Variants in PPP2R2C observed in about 807,000 individuals in gnomAD.
PPP2R2C encodes protein phosphatase 2 regulatory subunit Bgamma.
In PPP2R2C, 10 loss-of-function variants were observed where a neutral mutation model predicts 45.3. The ratio of observed to expected loss-of-function variants is 0.22; its 90% CI spans 0.14 to 0.37. The LOEUF is 0.37. Ranked by LOEUF, PPP2R2C falls within the 10% of genes least tolerant of loss-of-function variation. The probability of loss-of-function intolerance (pLI) is 1.00; values close to 1 mark genes in which losing one functional copy is unlikely to be tolerated. For synonymous variants in PPP2R2C, 257 were observed against 245.4 expected, an observed-to-expected ratio of 1.05 and a Z score of -0.44; for missense variants, 308 against 619.7, an observed-to-expected ratio of 0.50 and a Z score of 5.34.
intron 2 of PPP2R2C, among the ~76,000 whole-genome samples, chr4:6,487,921 T>A (rs1722578910): frequency 6.6e-6 from 1 of 152,220 alleles, no homozygotes; most frequent in South Asian, 2.1e-4. Flanking sequence ...TCTTTTTTTA[T>A]CTTTTTACTC....
At chr4:6,409,963 A>C (rs190371355) in intron 1 of PPP2R2C, among the ~76,000 whole-genome samples, 2 of 152,252 alleles carry the variant, frequency 1.3e-5, no homozygotes, top group African/African-American at 4.8e-5. Context: ...TTCTGCTCTC[A>C]GGAAGTAGAG....
rs190780017 is a variant in PPP2R2C at position 6,450,435 on chromosome 4, A to G, written c.70+21725T>C. ...TCTTCATCTGGGTCACAGAAAAATC[A>G]AGCAACGGTTCAGCCTCACTCTCAA... On this transcript the variant is annotated intron_variant, in intron 1 of 8. Coordinates refer to ENST00000382599, the MANE Select transcript of PPP2R2C (RefSeq NM_020416.4). Among the ~76,000 whole-genome samples the G allele has an allele frequency of 6.6e-4, 101 of 152,322 alleles. No individual in the cohort carries two copies. The Middle Eastern group carries it at 0.017, about 26-fold the overall frequency.
At chr4:6,372,986 G>A (rs1342349825) in intron 4 of PPP2R2C, among the ~76,000 whole-genome samples, 1 of 152,206 alleles carries the variant, frequency 6.6e-6, no homozygotes, top group East Asian at 1.9e-4. Flanking sequence ...AGATACTGTG[G>A]CAGAGCCAGC....
At chr4:6,433,836 G>A (rs920560654) in intron 1 of PPP2R2C, among the ~76,000 whole-genome samples, 1 of 152,244 alleles carries the variant, frequency 6.6e-6, no homozygotes, top group Non-Finnish European at 1.5e-5. Context: ...CACACAGCGA[G>A]TAGGCAGCCC....
chr4:6,383,050 T>G (rs1715967730), intron 1 of PPP2R2C: 3 of 1,086,496 alleles, frequency 2.8e-6, no homozygotes, highest in Non-Finnish European at 3.4e-6. Flanking sequence ...CCACCTTGAT[T>G]CTGGGCTTGT....
intron 1 of PPP2R2C, among the ~76,000 whole-genome samples, chr4:6,433,595 C>G (rs1468468460): frequency 6.6e-6 from 1 of 152,166 alleles, no homozygotes; most frequent in African/African-American, 2.4e-5. Flanking sequence ...GCCAAGTCAT[C>G]CCCCCCATTG....
rs541920993 is a variant in PPP2R2C, at chr4:6,361,715, C to A, written c.625+10808G>T. On this transcript the variant is annotated intron_variant, in intron 5 of 8. Coordinates refer to ENST00000382599, the MANE Select transcript of PPP2R2C (RefSeq NM_020416.4). ...AGGAGGGTCTGTGGTGAATGGCATG[C>A]CTTGGTTTCCAAGAACTGAGAGGGG... Among the ~76,000 whole-genome samples the A allele has an allele frequency of 1.5e-3, 232 of 152,298 alleles. 1 individual carries two copies. The highest frequency in any genetic ancestry group is 4.9e-3 in the African/African-American group (202 of 41,560).
At chr4:6,558,154 C>G (rs1725469337) in intron 1 of PPP2R2C, among the ~76,000 whole-genome samples, 1 of 152,186 alleles carries the variant, frequency 6.6e-6, no homozygotes, top group Non-Finnish European at 1.5e-5. Context: ...CTGTGATGAT[C>G]GCATCCCAAC....
intron 1 of PPP2R2C, among the ~76,000 whole-genome samples, chr4:6,390,092 T>G (rs4323180): frequency 0.26 from 39,209 of 151,954 alleles, 5,491 homozygotes; most frequent in South Asian, 0.37. Flanking sequence ...GGTCTGGAGT[T>G]TGGGGTCTGA....
At chr4:6,528,584 C>G (rs1003303359) in intron 2 of PPP2R2C, among the ~76,000 whole-genome samples, 5 of 152,248 alleles carry the variant, frequency 3.3e-5, no homozygotes, top group African/African-American at 1.2e-4. Flanking sequence ...GCCACCAAAG[C>G]CCAACGTATC....
chr4:6,348,744 G>C (rs1480011324), intron 5 of PPP2R2C: 1 of 965,210 alleles, frequency 1.0e-6, no homozygotes, highest in East Asian at 1.1e-4. Flanking sequence ...AGAAACCCTG[G>C]AGCTTGAGGG....
chr4:6,461,957 C>G (rs1356302788), intron 1 of PPP2R2C, among the ~76,000 whole-genome samples: 1 of 152,226 alleles, frequency 6.6e-6, no homozygotes, highest in African/African-American at 2.4e-5. Context: ...CCATCTCATT[C>G]AACACCCACC....
rs780288378 is a variant in PPP2R2C at position 6,375,849 on chromosome 4, A to C, written c.417T>G (p.Leu139=). The C allele has an allele frequency of 3.7e-6, 6 of 1,614,066 alleles. No individual in the cohort carries two copies. In the South Asian group the frequency reaches 6.6e-5, roughly 18 times the overall value. The change falls in exon 4 of 9, where the codon CTT becomes CTG. Residue 139 remains leucine (L), a synonymous_variant. Coordinates refer to ENST00000382599, the MANE Select transcript of PPP2R2C (RefSeq NM_020416.4). Reference sequence around the variant, plus strand: ...GTGACGTCACCGTGGACAGGTCCTTAAGTTTCCCCTCTTCATCCTTCAGGT... The same window carrying C: ...GTGACGTCACCGTGGACAGGTCCTTCAGTTTCCCCTCTTCATCCTTCAGGT... ...GYNLKDEEGK[L]KDLSTVTSLQ... is the part of the protein sequence containing the mutation.
intron 1 of PPP2R2C, among the ~76,000 whole-genome samples, chr4:6,452,154 G>A (rs1156737484): frequency 2.0e-5 from 3 of 152,152 alleles, no homozygotes; most frequent in Non-Finnish European, 2.9e-5. Context: ...CAGGAAGCAG[G>A]AGGGACCAAC....
chr4:6,323,317 G>A lies in PPP2R2C; in HGVS notation c.1329C>T (p.Asn443=), dbSNP rs1329658644. 6.2e-7 allele frequency: 1 copy of A among 1,604,092 alleles called. No individual in the cohort carries two copies. Among genetic ancestry groups the A allele is most frequent in the Non-Finnish European group, 8.5e-7 (1 of 1,171,802 alleles). Residue 443 remains asparagine (N), a synonymous_variant, in exon 9 of 9, where the codon AAC becomes AAT. Transcript: ENST00000382599. ...NNLYIFQDKV[N]SDMH is the part of the protein sequence containing the mutation. ...CTGCACATACCTAGTGCATGTCAGA[G>A]TTTACCTTGTCCTGGAAGATGTACA...
rs1309229926 is a variant in PPP2R2C, at chr4:6,328,693, C to T, written c.1052+569G>A. ...CTTCTGGCACTGGGGCGCCACTTTCCAGGCAGGTGGGGTTGAGAGACGGCT... is the reference window on the plus strand; with the variant it reads ...CTTCTGGCACTGGGGCGCCACTTTCTAGGCAGGTGGGGTTGAGAGACGGCT... On this transcript the variant is annotated intron_variant, in intron 8 of 8. Transcript: ENST00000382599. This position sits in a 1 kb window ranked among gnomAD's most constrained non-coding sequence, Gnocchi z 4.4. 6.6e-6 allele frequency among the ~76,000 whole-genome samples: 1 copy of T among 152,196 alleles called. No homozygotes were observed. The highest frequency in any genetic ancestry group is 2.4e-5 in the African/African-American group (1 of 41,462).
At chr4:6,403,398 G>GA (rs1420950605) in intron 1 of PPP2R2C, among the ~76,000 whole-genome samples, 1 of 151,972 alleles carries the variant, frequency 6.6e-6, no homozygotes, top group Admixed American at 6.5e-5. Flanking sequence ...TATTTGATTA[G>GA]AAAAAAAGAA....
rs79206600 is a variant in PPP2R2C at position 6,532,518 on chromosome 4, T to C, written c.49+2753A>G. Among the ~76,000 whole-genome samples the C allele has an allele frequency of 6.9e-3, 1,057 of 152,320 alleles. 15 individuals carry two copies. Among genetic ancestry groups the C allele is most frequent in the African/African-American group, 0.024 (1,010 of 41,570 alleles). ...AGCAGCATCTCCAGATCTAGCTGTCTGGGGAGGCGCAGGCTCATTTCCACT... is the reference window on the plus strand; with the variant it reads ...AGCAGCATCTCCAGATCTAGCTGTCCGGGGAGGCGCAGGCTCATTTCCACT... On this transcript the variant is annotated intron_variant, in intron 2 of 9. Transcript: ENST00000506140.
intron 1 of PPP2R2C, among the ~76,000 whole-genome samples, chr4:6,387,985 C>T (rs1716347487): frequency 6.6e-6 from 1 of 152,248 alleles, no homozygotes; most frequent in Non-Finnish European, 1.5e-5. Flanking sequence ...TTGGCATGTG[C>T]TCTTTTTGGC....
Sources: allele counts gnomAD v4.1 joint callset (sites outside exome capture counted in the v4.1 genomes callset), GRCh38; gene constraint gnomAD v4.1.1; non-coding constraint Gnocchi (gnomAD v3.1); transcripts MANE v1.5; gene names NCBI Gene and HGNC (gene_info 2026-07-23, HGNC 2026-07-21).